KASH5: variants seen among roughly 807,000 people sequenced by gnomAD.
The protein encoded by KASH5 is KASH domain containing 5, also known as protein KASH5.
KASH5 carries 72 observed loss-of-function variants against 84.2 expected under a neutral mutation model. The ratio of observed to expected loss-of-function variants is 0.85; its 90% CI spans 0.71 to 1.04. The LOEUF is 1.04. Among genes scored for constraint, KASH5 ranks in the 50% least tolerant of loss-of-function variants. The pLI, the probability that KASH5 is intolerant of heterozygous loss-of-function variation, is 0.00. For missense variants in KASH5, 650 were observed against 701.0 expected, an observed-to-expected ratio of 0.93 and a Z score of 0.82; for synonymous variants, 260 against 279.1, an observed-to-expected ratio of 0.93 and a Z score of 0.68.
At chr19:49,403,930 G>T (rs956413020) in intron 9 of KASH5, among the ~76,000 whole-genome samples, 1 of 152,210 alleles carries the variant, frequency 6.6e-6, no homozygotes, top group Non-Finnish European at 1.5e-5. Context: ...GTAGAATAAT[G>T]CTGGAGTAAC....
Position 49,408,958 on chromosome 19 carries a change from C to A in KASH5, c.994-9C>A. The A allele has an allele frequency of 6.3e-7, 1 of 1,575,200 alleles. No homozygotes were observed. Among genetic ancestry groups the A allele is most frequent in the African/African-American group, 1.3e-5 (1 of 74,158 alleles). ...GAGCCAAATGTGCTCCCCACTTCCT[C>A]CTTTGCAGGAACTGAGGCTGGAGAT... On this transcript the variant is annotated splice_polypyrimidine_tract_variant and intron_variant, in intron 12 of 19. Coordinates refer to ENST00000447857, the MANE Select transcript of KASH5 (RefSeq NM_144688.5).
At chr19:49,394,433 C>T (rs1490740275) in intron 2 of KASH5, 43 bp from the exon 3 acceptor site, 17 of 1,527,082 alleles carry the variant, frequency 1.1e-5, no homozygotes, top group Admixed American at 1.7e-5. Context: ...CTCTTCCTTC[C>T]TTATTCTTCC....
intron 2 of KASH5, 127 bp from the exon 3 acceptor site, chr19:49,394,349 C>G: frequency 1.5e-6 from 1 of 669,838 alleles, no homozygotes; most frequent in Non-Finnish European, 2.6e-6. Context: ...TCCCCACCCG[C>G]CCGAACTCTC....
Position 49,417,264 on chromosome 19 carries a change from C to G in KASH5, c.1545C>G (p.Leu515=), listed in dbSNP as rs1276719712. 2 of 1,611,684 alleles carry G rather than the reference C, an allele frequency of 1.2e-6. No homozygotes were observed. The highest frequency in any genetic ancestry group is 1.7e-6 in the Non-Finnish European group (2 of 1,179,010). The change falls in exon 19 of 20, where the codon CTC becomes CTG. Residue 515 remains leucine, a splice_region_variant and synonymous_variant. Transcript: ENST00000447857. The surrounding 1 kb of genome is among the most constrained non-coding windows in gnomAD (Gnocchi z 5.2). ...AGCTCTGCCTGCCCCCACAGCGGCT[C>G]AGGTGTGCCCCCAGGCGTCTCCAGA... ...WGQLCLPPQR[L]RVTRHPLIPA...
intron 17 of KASH5, chr19:49,415,449 G>C (rs559131993): frequency 3.9e-5 from 9 of 232,386 alleles, no homozygotes; most frequent in Non-Finnish European, 6.0e-5. Flanking sequence ...CCCAGTGCCC[G>C]GTGGGGGTTA....
intron 7 of KASH5, among the ~76,000 whole-genome samples, chr19:49,398,608 A>G (rs1974262969): frequency 6.6e-6 from 1 of 152,110 alleles, no homozygotes. Flanking sequence ...GGCTCAAGCC[A>G]TCCTCCCGCC....
At chr19:49,396,455 T>C (rs1460164833) in intron 5 of KASH5, among the ~76,000 whole-genome samples, 5 of 152,122 alleles carry the variant, frequency 3.3e-5, no homozygotes, top group Non-Finnish European at 5.9e-5. Flanking sequence ...GGTTTCTCCA[T>C]GTTGGTCAGG....
intron 9 of KASH5, among the ~76,000 whole-genome samples, chr19:49,402,213 G>T (rs920690210): frequency 6.6e-6 from 1 of 150,952 alleles, no homozygotes; most frequent in Non-Finnish European, 1.5e-5. Flanking sequence ...GTGTACTCCA[G>T]TCTGGGCGAC....
At chr19:49,408,354 C>T (rs1974598908) in intron 12 of KASH5, 1 of 155,150 alleles carries the variant, frequency 6.4e-6, no homozygotes, top group South Asian at 2.0e-4. Context: ...TCATGTTTCT[C>T]TTGCCTGTCT....
rs1974573826 is a variant in KASH5 at position 49,407,665 on chromosome 19, G to A, written c.987G>A (p.Thr329=). 5.0e-6 allele frequency: 8 copies of A among 1,603,942 alleles called. No homozygotes were observed. Among genetic ancestry groups the A allele is most frequent in the Non-Finnish European group, 6.0e-6 (7 of 1,175,384 alleles). Reference sequence around the variant, plus strand: ...AGACCCTGGAAGAATACAGAGTGACGACGCAGGTAACTCAGCGGCCCTCGC... The same window carrying A: ...AGACCCTGGAAGAATACAGAGTGACAACGCAGGTAACTCAGCGGCCCTCGC... The part of the protein sequence containing the change: ...LAQTLEEYRV[T]TQELRLEISR... The change falls in exon 12 of 20, where the codon ACG becomes ACA. Residue 329 remains threonine (T), a synonymous_variant. Coordinates refer to ENST00000447857, the MANE Select transcript of KASH5 (RefSeq NM_144688.5).
At chr19:49,400,624 G>A (rs1974336547) in intron 9 of KASH5, among the ~76,000 whole-genome samples, 1 of 151,728 alleles carries the variant, frequency 6.6e-6, no homozygotes, top group South Asian at 2.1e-4. Context: ...CCCGACCTCA[G>A]GTGATCTGCC....
At position 49,412,054 on chromosome 19, in the gene KASH5, AGGGTAACTAG is replaced by A. The variant is rs1974738174; in HGVS notation, c.1270-909_1270-900del. Among the ~76,000 whole-genome samples the A allele has an allele frequency of 6.6e-6, 1 of 152,160 alleles. No homozygotes were observed. The highest frequency in any genetic ancestry group is 1.5e-5 in the Non-Finnish European group (1 of 68,014). On this transcript the variant is annotated intron_variant, in intron 15 of 19. Coordinates refer to ENST00000447857, the MANE Select transcript of KASH5 (RefSeq NM_144688.5). This position sits in a 1 kb window ranked among gnomAD's most constrained non-coding sequence, Gnocchi z 4.6. ...AAATCACGATATGCTTGAGGAGTAG[AGGGTAACTAG>A]GGGTGACTAGTGAGAGATGAGGCCA...
chr19:49,393,011 C>G (rs1974052556), intron 2 of KASH5, among the ~76,000 whole-genome samples: 1 of 151,978 alleles, frequency 6.6e-6, no homozygotes, highest in Non-Finnish European at 1.5e-5. Context: ...AGGGCCAAAC[C>G]TAGGAGCATA....
Position 49,406,884 on chromosome 19 carries a change from AGAACGG to A in KASH5, c.801_806del (p.Asn267_Gly268del). On this transcript the variant is annotated splice_acceptor_variant and coding_sequence_variant, in exon 10 of 20. Transcript: ENST00000447857. LOFTEE classifies it high-confidence loss of function. ...AACGTGACCAGCCATTCCTTCTTCT[AGAACGG>A]GAAGCTGCTTGCCGAGCGGGATGGA... The A allele has an allele frequency of 6.2e-7, 1 of 1,604,306 alleles. No homozygotes were observed. Among genetic ancestry groups the A allele is most frequent in the Non-Finnish European group, 8.5e-7 (1 of 1,175,380 alleles).
Position 49,417,655 on chromosome 19 carries a change from G to A in KASH5, c.*145G>A. 1 of 1,046,324 alleles carries A rather than the reference G, an allele frequency of 9.6e-7. No homozygotes were observed. Among genetic ancestry groups the A allele is most frequent in the South Asian group, 2.9e-5 (1 of 35,064 alleles). The allele number at this position is 1,046,324 out of a possible 1,614,324, so 64.8% of individuals were successfully genotyped here. On this transcript the variant is annotated 3_prime_UTR_variant, in exon 20 of 20. Transcript: ENST00000447857. The surrounding 1 kb of genome is among the most constrained non-coding windows in gnomAD (Gnocchi z 5.2). Reference sequence around the variant, plus strand: ...GATCCACATCCCTGTATTTTTATGTGAAGTCTCCTAGTTTTTTAATGCTGA... The same window carrying A: ...GATCCACATCCCTGTATTTTTATGTAAAGTCTCCTAGTTTTTTAATGCTGA...
At chr19:49,398,226 G>C in intron 7 of KASH5, 83 bp downstream of exon 7, 2 of 1,267,048 alleles carry the variant, frequency 1.6e-6, no homozygotes, top group Admixed American at 2.7e-5. Context: ...TCCCATGCTC[G>C]TGTCTGCATC....
intron 15 of KASH5, among the ~76,000 whole-genome samples, chr19:49,411,427 G>T (rs1441229590): frequency 6.6e-6 from 1 of 152,130 alleles, no homozygotes; most frequent in African/African-American, 2.4e-5. Context: ...GCTTGTTTGG[G>T]TTCTCATTTA....
At chr19:49,406,561 G>C (rs1974532006) in intron 9 of KASH5, among the ~76,000 whole-genome samples, 1 of 152,092 alleles carries the variant, frequency 6.6e-6, no homozygotes, top group Admixed American at 6.6e-5. Flanking sequence ...ATTTTTAGTA[G>C]AGACGGGGTT....
intron 14 of KASH5, 76 bp downstream of exon 14, chr19:49,409,359 A>T: frequency 2.1e-6 from 3 of 1,446,650 alleles, no homozygotes; most frequent in Non-Finnish European, 2.8e-6. Context: ...TCTGATCCTC[A>T]CACCAGCCTA....
Sources: allele counts gnomAD v4.1 joint callset (sites outside exome capture counted in the v4.1 genomes callset), GRCh38; gene constraint gnomAD v4.1.1; non-coding constraint Gnocchi (gnomAD v3.1); transcripts MANE v1.5; gene names NCBI Gene and HGNC (gene_info 2026-07-23, HGNC 2026-07-21).